Variants in CTNNB1 observed in about 807,000 individuals in gnomAD.
CTNNB1 encodes the protein catenin beta-1.
A neutral mutation model predicts 82.5 loss-of-function variants in CTNNB1; 6 were observed. The ratio of observed to expected loss-of-function variants is 0.07; its 90% CI spans 0.04 to 0.14. CTNNB1 has a LOEUF of 0.14. Ranked by LOEUF, CTNNB1 falls within the 10% of genes least tolerant of loss-of-function variation. CTNNB1 has a pLI of 1.00. For synonymous variants in CTNNB1, 312 were observed against 329.7 expected (o/e 0.95, Z 0.58); for missense variants, 529 against 980.4 (o/e 0.54, Z 6.15).
In CTNNB1 at chr3:41,225,189, G is replaced by A. The variant is rs2125621205; in HGVS notation, c.477G>A (p.Leu159=). 6.2e-7 allele frequency: 1 copy of A among 1,614,024 alleles called. No individual in the cohort carries two copies. Among genetic ancestry groups the A allele is most frequent in the Non-Finnish European group, 8.5e-7 (1 of 1,179,980 alleles). The change falls in exon 4 of 15, where the codon CTG becomes CTA. Residue 159 remains leucine (L), a synonymous_variant. Transcript: ENST00000349496. The surrounding 1 kb of genome is among the most constrained non-coding windows in gnomAD (Gnocchi z 5.3). Reference sequence around the variant, plus strand: ...GTGCAATCCCTGAACTGACAAAACTGCTAAATGACGAGGACCAGGTAAGCA... The same window carrying A: ...GTGCAATCCCTGAACTGACAAAACTACTAAATGACGAGGACCAGGTAAGCA... ...ATRAIPELTK[L]LNDEDQVVVN...
intron 10 of CTNNB1, chr3:41,234,675 A>T (rs3774371): frequency 0.37 from 91,116 of 247,812 alleles, 19,279 homozygotes; most frequent in Non-Finnish European, 0.46. Flanking sequence ...TTTGACTATA[A>T]ATATTTAGCA....
intron 1 of CTNNB1, among the ~76,000 whole-genome samples, chr3:41,205,009 G>C (rs575101519): frequency 5.3e-4 from 80 of 152,258 alleles, no homozygotes; most frequent in African/African-American, 1.9e-3. Context: ...TTAAAGTTAG[G>C]AATTAAGATG....
intron 1 of CTNNB1, among the ~76,000 whole-genome samples, chr3:41,212,530 T>C (rs148516271): frequency 2.0e-5 from 3 of 152,362 alleles, no homozygotes; most frequent in African/African-American, 7.2e-5. Flanking sequence ...TTTATAATTT[T>C]AGTCTTGACC....
rs1238881187 is a variant in CTNNB1, at chr3:41,239,769, C to CTATGGGAACAAT, written c.*429_*440dup. 6.4e-6 allele frequency: 2 copies of CTATGGGAACAAT among 312,372 alleles called. No homozygotes were observed. The highest frequency in any genetic ancestry group is 1.2e-5 in the Non-Finnish European group (2 of 165,646). The allele number at this position is 312,372 out of a possible 1,614,324, so 19.4% of individuals were successfully genotyped here. ...TGACACACTAACCAAGCTGAGTTTC[C>CTATGGGAACAAT]TATGGGAACAATTGAAGTAAACTTT... is the stretch of plus-strand genomic sequence containing the variant. On this transcript the variant is annotated 3_prime_UTR_variant, in exon 15 of 15. Coordinates refer to ENST00000349496, the MANE Select transcript of CTNNB1 (RefSeq NM_001904.4).
chr3:41,215,607 C>T (rs376585397), intron 1 of CTNNB1, among the ~76,000 whole-genome samples: 27 of 152,138 alleles, frequency 1.8e-4, no homozygotes, highest in East Asian at 9.7e-4. Context: ...ACAGAGTTCA[C>T]TTCATTAGGC....
At chr3:41,218,172 ACAAGCC>A (rs2077957500) in intron 1 of CTNNB1, among the ~76,000 whole-genome samples, 1 of 152,190 alleles carries the variant, frequency 6.6e-6, no homozygotes, top group South Asian at 2.1e-4. Context: ...AGTTGGAATT[ACAAGCC>A]CATTTCTCCT....
intron 1 of CTNNB1, among the ~76,000 whole-genome samples, chr3:41,216,383 T>G (rs2077917100): frequency 6.6e-6 from 1 of 152,236 alleles, no homozygotes; most frequent in Non-Finnish European, 1.5e-5. Context: ...ATGCAGTTGA[T>G]TCTTAGAATA....
At chr3:41,201,068 G>A (rs1045679489) in intron 1 of CTNNB1, among the ~76,000 whole-genome samples, 1 of 152,204 alleles carries the variant, frequency 6.6e-6, no homozygotes, top group Non-Finnish European at 1.5e-5. Flanking sequence ...CTAGGCTAAT[G>A]TTTTTCAGAT....
At chr3:41,235,931 A>G (rs910470780) in intron 11 of CTNNB1, 88 bp downstream of exon 11, 25 of 1,450,254 alleles carry the variant, frequency 1.7e-5, no homozygotes, top group South Asian at 8.1e-5. Context: ...ATTAGGGACC[A>G]TAATAGGGTT....
chr3:41,225,620 A>T lies in CTNNB1; in HGVS notation c.735-40A>T. The T allele has an allele frequency of 1.9e-6, 3 of 1,613,716 alleles. No homozygotes were observed. Among genetic ancestry groups the T allele is most frequent in the Non-Finnish European group, 2.5e-6 (3 of 1,179,644 alleles). ...TTGAAGCTAAAAAGTAGAAGAGTATACTCACAATATTTCTGATGAGGCTTT... is the reference window on the plus strand; with the variant it reads ...TTGAAGCTAAAAAGTAGAAGAGTATTCTCACAATATTTCTGATGAGGCTTT... On this transcript the variant is annotated intron_variant, in intron 5 of 14. Coordinates refer to ENST00000349496, the MANE Select transcript of CTNNB1 (RefSeq NM_001904.4). This position sits in a 1 kb window ranked among gnomAD's most constrained non-coding sequence, Gnocchi z 5.3.
At chr3:41,221,035 TA>T (rs2078037209) in intron 1 of CTNNB1, 1 of 152,166 alleles carries the variant, frequency 6.6e-6, no homozygotes, top group South Asian at 2.1e-4. Flanking sequence ...ATTATGTTCA[TA>T]TTGCCAAAAA....
intron 1 of CTNNB1, among the ~76,000 whole-genome samples, chr3:41,209,272 G>A (rs890522253): frequency 6.6e-6 from 1 of 152,130 alleles, no homozygotes; most frequent in Admixed American, 6.5e-5. Context: ...ATTTACATCT[G>A]TTTGCTAACG....
At position 41,205,255 on chromosome 3, in the gene CTNNB1, C is replaced by T. The variant is rs149496369; in HGVS notation, c.-49+5585C>T. Among the ~76,000 whole-genome samples the T allele has an allele frequency of 1.4e-3, 207 of 152,168 alleles. 1 individual carries two copies. The highest frequency in any genetic ancestry group is 6.8e-3 in the Middle Eastern group (2 of 294). On this transcript the variant is annotated intron_variant, in intron 1 of 14. Transcript: ENST00000349496. The stretch of plus-strand genomic sequence containing the variant: ...TAAACTATTACTGTTAGACTAGATC[C>T]AAAACTTAAAAACAGTTTAGGTAAT...
intron 3 of CTNNB1, 76 bp from the exon 4 acceptor site, chr3:41,224,878 T>G (rs2078138617): frequency 6.2e-7 from 1 of 1,610,012 alleles, no homozygotes. Flanking sequence ...GCAATGTCAC[T>G]TTTACCATTT....
Position 41,236,595 on chromosome 3 carries a change from T to C in CTNNB1, c.1962T>C (p.Tyr654=), listed in dbSNP as rs750402920. 8.7e-6 allele frequency: 14 copies of C among 1,614,104 alleles called. No homozygotes were observed. The highest frequency in any genetic ancestry group is 1.2e-5 in the Non-Finnish European group (14 of 1,180,056). The change falls in exon 13 of 15, where the codon TAT becomes TAC. Residue 654 remains tyrosine (Y), a synonymous_variant. Coordinates refer to ENST00000349496, the MANE Select transcript of CTNNB1 (RefSeq NM_001904.4). ...TTTCTCCTTGTCTCTTAGCGACATA[T>C]GCAGCTGCTGTTTTGTTCCGAATGT... is the stretch of plus-strand genomic sequence containing the variant. ...LHSRNEGVAT[Y]AAAVLFRMSE...
At chr3:41,221,708 T>C (rs2078053004) in intron 1 of CTNNB1, 1 of 152,184 alleles carries the variant, frequency 6.6e-6, no homozygotes, top group Non-Finnish European at 1.5e-5. Flanking sequence ...GCATATGTAG[T>C]CCATCTTGAC....
chr3:41,224,168 T>C, intron 2 of CTNNB1, 87 bp downstream of exon 2: 1 of 1,459,560 alleles, frequency 6.9e-7, no homozygotes, highest in Non-Finnish European at 9.6e-7. Context: ...CCTGCTTTCC[T>C]CTCTCCCTGC....
chr3:41,233,799 C>T lies in CTNNB1; in HGVS notation c.1456C>T (p.Arg486Cys), dbSNP rs113411271. The T allele has an allele frequency of 3.7e-6, 6 of 1,613,028 alleles. No individual in the cohort carries two copies. The highest frequency in any genetic ancestry group is 4.5e-5 in the East Asian group (2 of 44,852). ...AGCAGAGATGGCCCAGAATGCAGTT[C>T]GCCTTCACTATGGACTACCAGTTGT... ...QEAEMAQNAVRLHYGLPVVVK... is the reference protein window; with the variant it reads ...QEAEMAQNAVCLHYGLPVVVK... The change falls in exon 9 of 15, where the codon CGC becomes TGC. Residue 486 changes from arginine (R) to cysteine (C), a missense_variant. By Grantham distance (180) the Arg-to-Cys change is radical. Around this residue, in one of 4 missense-constraint regions of CTNNB1, gnomAD observed 411 missense variants for 776.4 expected, o/e 0.53. Transcript: ENST00000349496.
chr3:41,239,815 C>A lies in CTNNB1; in HGVS notation c.*473C>A. 1 of 267,046 alleles carries A rather than the reference C, an allele frequency of 3.7e-6. No individual in the cohort carries two copies. 16.5% of individuals were successfully genotyped at this position (267,046 alleles called of 1,614,324 possible). The stretch of plus-strand genomic sequence containing the variant: ...ACTTTTTGTTCTGGTCCTTTTTGGT[C>A]GAGGAGTAACAATACAAATGGATTT... On this transcript the variant is annotated 3_prime_UTR_variant, in exon 15 of 15. Transcript: ENST00000349496.
Sources: allele counts gnomAD v4.1 joint callset (sites outside exome capture counted in the v4.1 genomes callset), GRCh38; gene constraint gnomAD v4.1.1; regional missense constraint gnomAD v4.1.1; non-coding constraint Gnocchi (gnomAD v3.1); transcripts MANE v1.5; gene names NCBI Gene and HGNC (gene_info 2026-07-23, HGNC 2026-07-21).